Variants in AXIN1 observed in about 807,000 individuals in gnomAD.
AXIN1 encodes the protein axin 1.
A neutral mutation model predicts 76.4 loss-of-function variants in AXIN1; 30 were observed. The observed-to-expected ratio is 0.39, with a 90% confidence interval of 0.29 to 0.53. AXIN1 has a LOEUF of 0.53. Among genes scored for constraint, AXIN1 ranks in the 20% least tolerant of loss-of-function variants. The pLI, the probability that AXIN1 is intolerant of heterozygous loss-of-function variation, is 0.66. For missense variants in AXIN1, 1,140 were observed against 1,198.8 expected (o/e 0.95, Z 0.72); for synonymous variants, 545 against 501.4 (o/e 1.09, Z -1.16).
intron 4 of AXIN1, among the ~76,000 whole-genome samples, chr16:309,695 A>G (rs964692000): frequency 7.2e-5 from 11 of 152,332 alleles, no homozygotes; most frequent in African/African-American, 2.6e-4. Context: ...TTCACAAGGC[A>G]AGACACTTCC....
intron 4 of AXIN1, among the ~76,000 whole-genome samples, chr16:306,905 G>A (rs139241191): frequency 8.5e-5 from 13 of 152,362 alleles, no homozygotes; most frequent in African/African-American, 2.2e-4. Flanking sequence ...CGGTGTGTCC[G>A]GGTGTGTGGA....
chr16:313,084 G>A (rs988210424), intron 3 of AXIN1, among the ~76,000 whole-genome samples: 19 of 151,990 alleles, frequency 1.3e-4, no homozygotes, highest in South Asian at 2.1e-4. Context: ...GGCTGAAGTG[G>A]GTGCACCGTT....
rs2141705125 is a variant in AXIN1 at position 346,610 on chromosome 16, T to A, written c.416A>T (p.Lys139Met). 1 of 1,599,998 alleles carries A rather than the reference T, an allele frequency of 6.3e-7. No individual in the cohort carries two copies. Among genetic ancestry groups the A allele is most frequent in the Non-Finnish European group, 8.5e-7 (1 of 1,171,546 alleles). ...PCDSNEEKRL[K>M]LARAIYRKYI... ...CTTTCGGTAGATGGCTCTCGCCAGCTTCAGCCTCTTCTCCTCGTTCGAGTC... is the reference window on the plus strand; with the variant it reads ...CTTTCGGTAGATGGCTCTCGCCAGCATCAGCCTCTTCTCCTCGTTCGAGTC... Residue 139 changes from lysine (K) to methionine (M), a missense_variant, in exon 2 of 11, where the codon AAG (lysine) becomes ATG (methionine). Coordinates refer to ENST00000262320, the MANE Select transcript of AXIN1 (RefSeq NM_003502.4).
chr16:324,989 G>A (rs2053547929), intron 2 of AXIN1, among the ~76,000 whole-genome samples: 1 of 152,198 alleles, frequency 6.6e-6, no homozygotes, highest in Non-Finnish European at 1.5e-5. Flanking sequence ...ACTGACGCAC[G>A]GCTGGGTGCT....
At chr16:338,592 A>T (rs946514997) in intron 2 of AXIN1, among the ~76,000 whole-genome samples, 2 of 152,244 alleles carry the variant, frequency 1.3e-5, no homozygotes, top group African/African-American at 2.4e-5. Flanking sequence ...AAGAGAAAAA[A>T]TATGTTTGGA....
In AXIN1 at chr16:346,603, C is replaced by A. The variant is rs753413465; in HGVS notation, c.423G>T (p.Ala141=). ...GAATGTACTTTCGGTAGATGGCTCTCGCCAGCTTCAGCCTCTTCTCCTCGT... is the reference window on the plus strand; with the variant it reads ...GAATGTACTTTCGGTAGATGGCTCTAGCCAGCTTCAGCCTCTTCTCCTCGT... ...DSNEEKRLKL[A]RAIYRKYILD... Residue 141 remains alanine, a synonymous_variant, in exon 2 of 11, where the codon GCG becomes GCT. Coordinates refer to ENST00000262320, the MANE Select transcript of AXIN1 (RefSeq NM_003502.4). 6.2e-7 allele frequency: 1 copy of A among 1,604,766 alleles called. No individual in the cohort carries two copies. The highest frequency in any genetic ancestry group is 1.3e-5 in the African/African-American group (1 of 74,630).
At chr16:344,624 G>C (rs948282368) in intron 2 of AXIN1, among the ~76,000 whole-genome samples, 2 of 151,744 alleles carry the variant, frequency 1.3e-5, no homozygotes, top group Non-Finnish European at 2.9e-5. Context: ...GAGGAGCTGG[G>C]ATTACAGGCA....
chr16:307,237 C>T (rs1046509323), intron 4 of AXIN1, among the ~76,000 whole-genome samples: 1 of 152,178 alleles, frequency 6.6e-6, no homozygotes, highest in African/African-American at 2.4e-5. Flanking sequence ...AACAGGAGCA[C>T]TCATGCCGCC....
At chr16:308,230 G>T (rs1001586300) in intron 4 of AXIN1, among the ~76,000 whole-genome samples, 1 of 152,096 alleles carries the variant, frequency 6.6e-6, no homozygotes, top group Non-Finnish European at 1.5e-5. Flanking sequence ...TGCTTCCCTC[G>T]GTTCTGGAAG....
intron 1 of AXIN1, among the ~76,000 whole-genome samples, chr16:351,578 C>T (rs898867733): frequency 1.3e-5 from 2 of 152,018 alleles, no homozygotes; most frequent in Non-Finnish European, 2.9e-5. Context: ...CCACTGCACT[C>T]CAGCCTGGGC....
rs1444592732 is a variant in AXIN1 at position 309,869 on chromosome 16, T to TGGCCTA, written c.1116+103_1116+104insTAGGCC. ...ACACGCTTACGCCTAGAGGTAAGCC[T>TGGCCTA]GGCTCGTGGGAGGCCAGGCAAGTGC... On this transcript the variant is annotated intron_variant, in intron 4 of 10. Coordinates refer to ENST00000262320, the MANE Select transcript of AXIN1 (RefSeq NM_003502.4). 2.0e-4 allele frequency: 223 copies of TGGCCTA among 1,142,198 alleles called. 1 individual carries two copies. The highest frequency in any genetic ancestry group is 2.7e-4 in the Middle Eastern group (1 of 3,748). 70.8% of individuals were successfully genotyped at this position (1,142,198 alleles called of 1,614,324 possible).
At chr16:340,915 C>T (rs541589703) in intron 2 of AXIN1, among the ~76,000 whole-genome samples, 3 of 152,380 alleles carry the variant, frequency 2.0e-5, no homozygotes, top group Non-Finnish European at 4.4e-5. Context: ...CGCACTCAGG[C>T]GTCCCACAGG....
intron 2 of AXIN1, among the ~76,000 whole-genome samples, chr16:331,244 GA>G (rs35015540): frequency 0.28 from 41,664 of 151,118 alleles, 5,979 homozygotes; most frequent in South Asian, 0.42. Context: ...TTCTGTACAT[GA>G]AAAAAAAAAT....
chr16:334,781 T>C (rs541296176), intron 2 of AXIN1, among the ~76,000 whole-genome samples: 1 of 151,610 alleles, frequency 6.6e-6, no homozygotes, highest in African/African-American at 2.4e-5. Flanking sequence ...CAGCACCCAG[T>C]GCCACAGCAT....
rs925264095 is a variant in AXIN1, at chr16:293,895, C to T, written c.1956-177G>A. Among the ~76,000 whole-genome samples, 3 of 152,306 alleles carry T rather than the reference C, an allele frequency of 2.0e-5. No individual in the cohort carries two copies. Among genetic ancestry groups the T allele is most frequent in the Non-Finnish European group, 2.9e-5 (2 of 68,018 alleles). Reference sequence around the variant, plus strand: ...CACAGACCACACAATAAAAACATCCCGGCCAGGCATGGTGGCTCACACCTG... The same window carrying T: ...CACAGACCACACAATAAAAACATCCTGGCCAGGCATGGTGGCTCACACCTG... On this transcript the variant is annotated intron_variant, in intron 7 of 10. Coordinates refer to ENST00000262320, the MANE Select transcript of AXIN1 (RefSeq NM_003502.4). The surrounding 1 kb of genome is among the most constrained non-coding windows in gnomAD (Gnocchi z 4.6).
In AXIN1 at chr16:287,898, G is replaced by A. The variant is rs1233826328; in HGVS notation, c.*224C>T. Reference sequence around the variant, plus strand: ...ACTTGGGCTGGGCCCTCCAAGTATTGCTATGAGGAGTGGTCCAGGCTGCCT... The same window carrying A: ...ACTTGGGCTGGGCCCTCCAAGTATTACTATGAGGAGTGGTCCAGGCTGCCT... On this transcript the variant is annotated 3_prime_UTR_variant, in exon 11 of 11. Coordinates refer to ENST00000262320, the MANE Select transcript of AXIN1 (RefSeq NM_003502.4). 3.0e-6 allele frequency: 2 copies of A among 674,618 alleles called. No individual in the cohort carries two copies. The highest frequency in any genetic ancestry group is 1.8e-5 in the African/African-American group (1 of 55,934). 41.8% of individuals were successfully genotyped at this position (674,618 alleles called of 1,614,324 possible).
At chr16:304,752 C>T (rs1279638313) in intron 4 of AXIN1, among the ~76,000 whole-genome samples, 1 of 152,128 alleles carries the variant, frequency 6.6e-6, no homozygotes, top group East Asian at 1.9e-4. Context: ...CCAGGCTGGT[C>T]TCGAACTCCT....
chr16:350,951 C>T (rs901424320), intron 1 of AXIN1, among the ~76,000 whole-genome samples: 1 of 151,576 alleles, frequency 6.6e-6, no homozygotes, highest in African/African-American at 2.4e-5. Flanking sequence ...GACCCACATA[C>T]AGAAACCCCA....
intron 8 of AXIN1, chr16:292,486 C>A (rs1464590181): frequency 6.6e-6 from 1 of 152,232 alleles, no homozygotes; most frequent in Admixed American, 6.5e-5. Flanking sequence ...CAGAATAAGG[C>A]CCCTAGCCAC....
Sources: gnomAD v4.1 joint callset for allele counts (sites outside exome capture counted in the v4.1 genomes callset) on GRCh38, gnomAD v4.1.1 for gene constraint, Gnocchi (gnomAD v3.1) non-coding constraint, MANE v1.5 for transcripts, NCBI Gene and HGNC (gene_info 2026-07-23, HGNC 2026-07-21) for gene names.